MICU2: variants seen among roughly 807,000 people sequenced by gnomAD.
MICU2 encodes the protein calcium uptake protein 2, mitochondrial.
A neutral mutation model predicts 60.4 loss-of-function variants in MICU2; 64 were observed. The ratio of observed to expected loss-of-function variants is 1.06; its 90% CI spans 0.87 to 1.31. The LOEUF (loss-of-function observed/expected upper bound fraction) is 1.31. MICU2 is among the 50% of genes most tolerant of loss of function. The probability of loss-of-function intolerance (pLI) is 0.00; values close to 1 mark genes in which losing one functional copy is unlikely to be tolerated. For synonymous variants in MICU2, 201 were observed against 175.0 expected (o/e 1.15, Z -1.17); for missense variants, 569 against 531.0 (o/e 1.07, Z -0.70).
chr13:21,549,964 A>G (rs1020449065), intron 2 of MICU2, among the ~76,000 whole-genome samples: 16 of 152,184 alleles, frequency 1.1e-4, no homozygotes, highest in African/African-American at 3.6e-4. Context: ...AAAAACCTTC[A>G]GGGAACTTAA....
At chr13:21,564,903 A>G (rs1887938447) in intron 2 of MICU2, among the ~76,000 whole-genome samples, 1 of 152,136 alleles carries the variant, frequency 6.6e-6, no homozygotes, top group Non-Finnish European at 1.5e-5. Flanking sequence ...AAGCTAGTTC[A>G]CACTCAGATT....
At chr13:21,575,417 T>G (rs1464073784) in intron 1 of MICU2, among the ~76,000 whole-genome samples, 1 of 131,860 alleles carries the variant, frequency 7.6e-6, no homozygotes, top group African/African-American at 2.6e-5. Flanking sequence ...AGGTTTCGAA[T>G]GATTAAAAAA....
chr13:21,513,622 C>T (rs1474191757), intron 7 of MICU2, among the ~76,000 whole-genome samples: 1 of 151,166 alleles, frequency 6.6e-6, no homozygotes, highest in East Asian at 2.0e-4. Flanking sequence ...TGCCTGTAAT[C>T]CCAGCTACTT....
chr13:21,509,215 T>G (rs979514328), intron 8 of MICU2, among the ~76,000 whole-genome samples: 2 of 152,218 alleles, frequency 1.3e-5, no homozygotes, highest in African/African-American at 4.8e-5. Context: ...GGGAAGATGG[T>G]AGACAGGACA....
At chr13:21,525,354 G>A (rs1482048454) in intron 4 of MICU2, among the ~76,000 whole-genome samples, 3 of 151,316 alleles carry the variant, frequency 2.0e-5, no homozygotes, top group East Asian at 1.9e-4. Flanking sequence ...CACCACGCCC[G>A]GTTAATTTTT....
intron 2 of MICU2, among the ~76,000 whole-genome samples, chr13:21,544,997 A>G (rs1887381337): frequency 6.6e-6 from 1 of 152,236 alleles, no homozygotes; most frequent in Admixed American, 6.5e-5. Flanking sequence ...AAACTAGAAC[A>G]TATACTACTA....
chr13:21,596,401 T>G (rs1279678067), intron 1 of MICU2, among the ~76,000 whole-genome samples: 1 of 151,172 alleles, frequency 6.6e-6, no homozygotes, highest in Non-Finnish European at 1.5e-5. Context: ...CTCTCACCCC[T>G]GAAGCCTAAG....
At chr13:21,539,715 G>A in intron 2 of MICU2, 27 bp from the exon 3 acceptor site, 1 of 1,603,500 alleles carries the variant, frequency 6.2e-7, no homozygotes. Flanking sequence ...ACATTATTTA[G>A]TATCCATATT....
intron 2 of MICU2, among the ~76,000 whole-genome samples, chr13:21,561,271 T>C (rs1887833600): frequency 6.6e-6 from 1 of 152,192 alleles, no homozygotes. Context: ...TATTCTGCTA[T>C]CGTTAGGTGA....
At chr13:21,576,086 T>A (rs1387225888) in intron 1 of MICU2, among the ~76,000 whole-genome samples, 1 of 152,230 alleles carries the variant, frequency 6.6e-6, no homozygotes, top group Non-Finnish European at 1.5e-5. Context: ...ATTTAGCAAA[T>A]GTGTATGTTC....
chr13:21,560,584 T>C (rs117290994), intron 2 of MICU2, among the ~76,000 whole-genome samples: 2,283 of 152,176 alleles, frequency 0.015, 188 homozygotes, highest in Admixed American at 0.13. Context: ...TTCAGGCCCC[T>C]TGTTTTTCCG....
intron 1 of MICU2, among the ~76,000 whole-genome samples, chr13:21,587,755 C>T (rs1200033): frequency 0.97 from 148,500 of 152,308 alleles, 72,494 homozygotes; most frequent in Middle Eastern, 1. Flanking sequence ...CTATGATGAA[C>T]TAGGGACTAT....
chr13:21,588,525 G>A (rs538131442), intron 1 of MICU2, among the ~76,000 whole-genome samples: 9 of 152,184 alleles, frequency 5.9e-5, no homozygotes, highest in Non-Finnish European at 1.2e-4. Context: ...AGTTCACTTC[G>A]TGTCTCTCAT....
intron 8 of MICU2, among the ~76,000 whole-genome samples, chr13:21,507,865 A>G (rs1886327707): frequency 6.6e-6 from 1 of 151,622 alleles, no homozygotes; most frequent in African/African-American, 2.4e-5. Flanking sequence ...GGCCTTCTAA[A>G]GTGCTGGGAT....
At chr13:21,502,759 G>GCCA in intron 9 of MICU2, 167 bp downstream of exon 9, 1 of 346,290 alleles carries the variant, frequency 2.9e-6, no homozygotes, top group Non-Finnish European at 4.5e-6. Flanking sequence ...TTCTGTCTTA[G>GCCA]GCAGTTTTCC....
At chr13:21,501,276 T>C (rs1408572095) in intron 9 of MICU2, among the ~76,000 whole-genome samples, 1 of 152,100 alleles carries the variant, frequency 6.6e-6, no homozygotes, top group Non-Finnish European at 1.5e-5. Context: ...GTCTTTTTTT[T>C]TTTTGACACA....
intron 1 of MICU2, among the ~76,000 whole-genome samples, chr13:21,588,679 T>C (rs1007796761): frequency 6.6e-6 from 1 of 152,216 alleles, no homozygotes; most frequent in African/African-American, 2.4e-5. Context: ...CTGGACACTC[T>C]GCCAAATAAC....
chr13:21,591,296 T>C (rs9509808), intron 1 of MICU2, among the ~76,000 whole-genome samples: 5,541 of 151,914 alleles, frequency 0.036, 114 homozygotes, highest in Non-Finnish European at 0.052. Context: ...CATTACATAA[T>C]GGTCAAGGGA....
intron 8 of MICU2, among the ~76,000 whole-genome samples, chr13:21,507,481 T>C (rs1447169212): frequency 6.6e-6 from 1 of 152,142 alleles, no homozygotes; most frequent in East Asian, 1.9e-4. Flanking sequence ...ATTTTAAATA[T>C]ACAAGAAGAG....
Sources: gnomAD v4.1 joint callset for allele counts (sites outside exome capture counted in the v4.1 genomes callset) on GRCh38, gnomAD v4.1.1 for gene constraint, MANE v1.5 for transcripts, NCBI Gene and HGNC (gene_info 2026-07-23, HGNC 2026-07-21) for gene names.